Variants in ERC1 observed in about 807,000 individuals in gnomAD.
ERC1 encodes RAB6 interacting protein 2.
Under a neutral mutation model 132.0 loss-of-function variants are expected in ERC1, and 56 were observed. That is an observed-to-expected ratio of 0.42 (90% CI 0.34 to 0.53). ERC1 has a LOEUF of 0.53. Ranked by LOEUF, ERC1 falls within the 20% of genes least tolerant of loss-of-function variation. ERC1 has a pLI of 0.03. For missense variants in ERC1, 1,202 were observed against 1,349.9 expected, an observed-to-expected ratio of 0.89 and a Z score of 1.72; for synonymous variants, 478 against 476.1, an observed-to-expected ratio of 1.00 and a Z score of -0.05.
intron 18 of ERC1, among the ~76,000 whole-genome samples, chr12:1,461,310 G>A (rs1473346589): frequency 6.6e-6 from 1 of 152,132 alleles, no homozygotes; most frequent in East Asian, 1.9e-4. Flanking sequence ...TGAAAGTGCA[G>A]CTTTCGTTTT....
intron 2 of ERC1, among the ~76,000 whole-genome samples, chr12:1,039,075 G>A (rs535607100): frequency 2.4e-4 from 37 of 152,094 alleles, no homozygotes; most frequent in African/African-American, 8.9e-4. Flanking sequence ...GGTGGCTCAC[G>A]CCTGTAATCC....
At chr12:1,234,666 G>A (rs768244188) in intron 12 of ERC1, among the ~76,000 whole-genome samples, 1 of 152,216 alleles carries the variant, frequency 6.6e-6, no homozygotes, top group Non-Finnish European at 1.5e-5. Context: ...GAAGAAAAAG[G>A]TAGGGAGCCT....
At position 1,146,308 on chromosome 12, in the gene ERC1, G is replaced by GTTTTTTTTTTTTTTTTTTTTT. The variant is rs1172108036; in HGVS notation, c.1737+4526_1737+4546dup. ...ATTTCCTTGTTTAGGTATTTTACTG[G>GTTTTTTTTTTTTTTTTTTTTT]TTTTTTTTTTTTTTTTTTTTTTTTT... is the stretch of plus-strand genomic sequence containing the variant. On this transcript the variant is annotated intron_variant, in intron 8 of 18. Coordinates refer to ENST00000360905, the MANE Select transcript of ERC1 (RefSeq NM_178040.4). Among the ~76,000 whole-genome samples the GTTTTTTTTTTTTTTTTTTTTT allele has an allele frequency of 3.5e-4, 11 of 31,792 alleles. 2 individuals carry two copies. The highest frequency in any genetic ancestry group is 8.4e-4 in the Admixed American group (2 of 2,380). The allele number at this position is 31,792 out of a possible 152,430, so 20.9% of individuals were successfully genotyped here. A position where few individuals can be genotyped will look rare whatever the true frequency, so the allele number is the denominator to read the frequency against.
intron 16 of ERC1, among the ~76,000 whole-genome samples, chr12:1,401,748 TAA>T (rs60523460): frequency 0.049 from 5,592 of 115,240 alleles, 141 homozygotes; most frequent in South Asian, 0.1. Context: ...GGGAGGGCGG[TAA>T]AAAAAAAAAA....
intron 12 of ERC1, among the ~76,000 whole-genome samples, chr12:1,206,033 T>A (rs1957325046): frequency 6.6e-6 from 1 of 152,144 alleles, no homozygotes; most frequent in Admixed American, 6.5e-5. Flanking sequence ...TAGTTAACTT[T>A]TACCCAGCAG....
chr12:1,495,200 C>T lies in ERC1; in HGVS notation c.*4970C>T, dbSNP rs2094348012. The stretch of plus-strand genomic sequence containing the variant: ...GGCAGGCCACAGGACCTCTCCTGCC[C>T]ACTTGGTGCTATCTCTTCCAGTGAC... On this transcript the variant is annotated 3_prime_UTR_variant, in exon 19 of 19. Transcript: ENST00000360905. 4.3e-6 allele frequency: 1 copy of T among 230,968 alleles called. No homozygotes were observed. The highest frequency in any genetic ancestry group is 8.6e-6 in the Non-Finnish European group (1 of 116,710). The allele number at this position is 230,968 out of a possible 1,614,324, so 14.3% of individuals were successfully genotyped here.
At chr12:1,115,093 CTTT>C (rs1946309183) in intron 6 of ERC1, among the ~76,000 whole-genome samples, 2 of 152,090 alleles carry the variant, frequency 1.3e-5, no homozygotes, top group African/African-American at 4.8e-5. Flanking sequence ...TAATTAGTAT[CTTT>C]TTTAGTTCCT....
At chr12:1,447,713 G>A (rs952709240) in intron 18 of ERC1, among the ~76,000 whole-genome samples, 1 of 151,720 alleles carries the variant, frequency 6.6e-6, no homozygotes, top group African/African-American at 2.4e-5. Flanking sequence ...GCAGTGGCAC[G>A]ATCTCAGCTC....
chr12:1,126,849 G>A (rs938781909), intron 7 of ERC1, among the ~76,000 whole-genome samples: 177 of 151,998 alleles, frequency 1.2e-3, no homozygotes, highest in Non-Finnish European at 1.8e-3. Context: ...TTAGCTGGGC[G>A]TGGTGGCACG....
At chr12:1,342,535 T>A (rs1595116798) in intron 15 of ERC1, among the ~76,000 whole-genome samples, 1 of 150,428 alleles carries the variant, frequency 6.6e-6, no homozygotes, top group African/African-American at 2.4e-5. Flanking sequence ...TGGCAAAAGG[T>A]GCTAAGTGCT....
At chr12:1,472,091 G>A (rs2093874011) in intron 18 of ERC1, among the ~76,000 whole-genome samples, 1 of 152,200 alleles carries the variant, frequency 6.6e-6, no homozygotes, top group South Asian at 2.1e-4. Flanking sequence ...TGTAGCATTT[G>A]TAGGTCTCGT....
intron 7 of ERC1, among the ~76,000 whole-genome samples, chr12:1,124,061 T>TG (rs746966891): frequency 3.3e-5 from 5 of 152,328 alleles, no homozygotes; most frequent in African/African-American, 4.8e-5. Context: ...GTCATTTGGA[T>TG]GTGCTCCTGT....
intron 12 of ERC1, chr12:1,190,284 ATTGGC>A: frequency 1.6e-6 from 1 of 639,730 alleles, no homozygotes; most frequent in Admixed American, 2.0e-5. Flanking sequence ...AACATAATTG[ATTGGC>A]AAAAAAGAGA....
chr12:1,347,731 C>A (rs898245591), intron 15 of ERC1, among the ~76,000 whole-genome samples: 3 of 152,224 alleles, frequency 2.0e-5, no homozygotes, highest in African/African-American at 7.2e-5. Context: ...AGCCTGTAAT[C>A]CCAGCACTTG....
chr12:1,230,741 G>A (rs1594392587), intron 12 of ERC1, among the ~76,000 whole-genome samples: 1 of 152,122 alleles, frequency 6.6e-6, no homozygotes, highest in East Asian at 1.9e-4. Context: ...ATATTTTTAG[G>A]TGCTCTAAGG....
At chr12:1,175,742 C>T (rs546356537) in intron 8 of ERC1, among the ~76,000 whole-genome samples, 2 of 152,006 alleles carry the variant, frequency 1.3e-5, no homozygotes. Context: ...TCCATGTTGG[C>T]CAGGCTGGTC....
In ERC1 at chr12:1,341,094, T is replaced by C. The variant is rs1338319678; in HGVS notation, c.2781-30739T>C. On this transcript the variant is annotated intron_variant, in intron 15 of 18. Coordinates refer to ENST00000360905, the MANE Select transcript of ERC1 (RefSeq NM_178040.4). ...CTTTTTTTTTTTTTTTTTTTTTTTTTTTTTTTTTTTTTTTTTTGAGGCAGA... is the reference window on the plus strand; with the variant it reads ...CTTTTTTTTTTTTTTTTTTTTTTTTCTTTTTTTTTTTTTTTTTGAGGCAGA... Among the ~76,000 whole-genome samples the C allele has an allele frequency of 3.1e-4, 26 of 84,272 alleles. 1 individual carries two copies. The highest frequency in any genetic ancestry group is 7.6e-4 in the African/African-American group (16 of 21,106). 55.3% of individuals were successfully genotyped at this position (84,272 alleles called of 152,430 possible).
intron 18 of ERC1, among the ~76,000 whole-genome samples, chr12:1,478,280 A>G (rs1025115552): frequency 6.6e-6 from 1 of 151,958 alleles, no homozygotes; most frequent in Non-Finnish European, 1.5e-5. Context: ...TGTGATTTTA[A>G]CTTGTATTTT....
chr12:1,367,926 T>C (rs1333224826), intron 15 of ERC1, among the ~76,000 whole-genome samples: 4 of 151,128 alleles, frequency 2.6e-5, no homozygotes, highest in Non-Finnish European at 5.9e-5. Context: ...ACTAATACTT[T>C]GAAAGGTTTC....
Sources: allele counts gnomAD v4.1 joint callset (sites outside exome capture counted in the v4.1 genomes callset), GRCh38; gene constraint gnomAD v4.1.1; transcripts MANE v1.5; gene names NCBI Gene and HGNC (gene_info 2026-07-23, HGNC 2026-07-21).